The following SH3RF2 variants were observed in gnomAD, a reference collection of about 807,000 sequenced individuals.
SH3RF2 encodes E3 ubiquitin-protein ligase SH3RF2.
A neutral mutation model predicts 59.0 loss-of-function variants in SH3RF2; 43 were observed. That is an observed-to-expected ratio of 0.73 (90% CI 0.57 to 0.94). The LOEUF (loss-of-function observed/expected upper bound fraction) is 0.94. Among genes scored for constraint, SH3RF2 ranks in the 40% least tolerant of loss-of-function variants. SH3RF2 has a pLI of 0.00. For missense variants in SH3RF2, 930 were observed against 940.1 expected (o/e 0.99, Z 0.14); for synonymous variants, 391 against 391.5 (o/e 1.00, Z 0.01).
chr5:146,069,077 T>C (rs1763171573), intron 9 of SH3RF2, among the ~76,000 whole-genome samples: 1 of 152,168 alleles, frequency 6.6e-6, no homozygotes, highest in South Asian at 2.1e-4. Context: ...CATATGGAAT[T>C]TTTAGTGCAA....
chr5:145,943,376 T>C (rs576112566), intron 2 of SH3RF2, among the ~76,000 whole-genome samples: 90 of 152,172 alleles, frequency 5.9e-4, no homozygotes, highest in Non-Finnish European at 1.1e-3. Flanking sequence ...AATGAGGTGA[T>C]AGAACTGTTA....
chr5:145,952,404 G>GA lies in SH3RF2; in HGVS notation c.378+14107dup, dbSNP rs201045540. Reference sequence around the variant, plus strand: ...TAGTGCTACTTTTAACAGCACTATAGAAAAAAAAACAACTTTTGTTCCTCT... The same window carrying GA: ...TAGTGCTACTTTTAACAGCACTATAGAAAAAAAAAACAACTTTTGTTCCTCT... On this transcript the variant is annotated intron_variant, in intron 2 of 9. Transcript: ENST00000359120. 6.9e-3 allele frequency among the ~76,000 whole-genome samples: 1,030 copies of GA among 150,030 alleles called. 13 individuals carry two copies. Among genetic ancestry groups the GA allele is most frequent in the African/African-American group, 0.023 (945 of 40,908 alleles).
intron 2 of SH3RF2, among the ~76,000 whole-genome samples, chr5:145,988,104 G>A (rs1221177103): frequency 2.6e-5 from 4 of 152,190 alleles, no homozygotes; most frequent in Non-Finnish European, 1.5e-5. Context: ...AAAGCTTCCA[G>A]TTGTCCTCTC....
chr5:146,064,586 GGAGAGAGAGAGAGAGAGAGA>G (rs70998047), downstream of SH3RF2, among the ~76,000 whole-genome samples: 1 of 41,408 alleles, frequency 2.4e-5, no homozygotes, highest in Non-Finnish European at 4.1e-5. Flanking sequence ...GAAGGAAGGG[GGAGAGAGAGAGAGAGAGAGA>G]GAGAGAGAGG....
At chr5:145,982,880 G>A (rs1257209100) in intron 2 of SH3RF2, among the ~76,000 whole-genome samples, 1 of 152,058 alleles carries the variant, frequency 6.6e-6, no homozygotes, top group African/African-American at 2.4e-5. Context: ...AGAGGGAGAG[G>A]GTGGAGTGTA....
At chr5:146,075,778 TAAAAAAAAAAAAAAAA>T (rs56300547) in intron 9 of SH3RF2, among the ~76,000 whole-genome samples, 1 of 76,964 alleles carries the variant, frequency 1.3e-5, no homozygotes, top group Non-Finnish European at 2.6e-5. Flanking sequence ...AAATTCCATG[TAAAAAAAAAAAAAAAA>T]AAAAAAAAAA....
chr5:146,026,306 C>T (rs566883905), intron 5 of SH3RF2, among the ~76,000 whole-genome samples: 20 of 152,234 alleles, frequency 1.3e-4, no homozygotes, highest in African/African-American at 4.1e-4. Flanking sequence ...TGGCAGTAAC[C>T]TTTATTTGCA....
intron 2 of SH3RF2, among the ~76,000 whole-genome samples, chr5:145,949,646 T>C (rs1758120309): frequency 6.6e-6 from 1 of 152,046 alleles, no homozygotes; most frequent in Admixed American, 6.6e-5. Flanking sequence ...AGTAGATTGG[T>C]TTGATGCATA....
At chr5:146,079,383 G>A (rs1239165960) in exon 10 of SH3RF2, 20 of 152,128 alleles carry the variant, frequency 1.3e-4, no homozygotes, top group African/African-American at 4.8e-5. Flanking sequence ...CATATATACC[G>A]TGATGTTATT....
intron 4 of SH3RF2, among the ~76,000 whole-genome samples, chr5:146,012,462 G>T (rs1176006851): frequency 1.3e-5 from 2 of 152,104 alleles, no homozygotes; most frequent in African/African-American, 4.8e-5. Context: ...TTGTACCTCT[G>T]GTAGAATTCG....
chr5:145,953,148 A>AC (rs1758257941), intron 2 of SH3RF2, among the ~76,000 whole-genome samples: 1 of 151,910 alleles, frequency 6.6e-6, no homozygotes, highest in Non-Finnish European at 1.5e-5. Context: ...ACACACACAC[A>AC]AATAATAAAA....
downstream of SH3RF2, among the ~76,000 whole-genome samples, chr5:146,064,755 G>GA (rs1265516163): frequency 5.9e-3 from 37 of 6,236 alleles, 1 homozygote; most frequent in East Asian, 0.027. Context: ...AGGAAGGAAG[G>GA]AAGGAAGGAA....
intron 5 of SH3RF2, among the ~76,000 whole-genome samples, chr5:146,021,565 G>A (rs926811832): frequency 6.6e-6 from 1 of 152,150 alleles, no homozygotes. Flanking sequence ...CTGAGTGTCT[G>A]AAATGTGTTT....
chr5:146,063,026 A>G lies in SH3RF2; in HGVS notation c.*325A>G, dbSNP rs1040880765. The stretch of plus-strand genomic sequence containing the variant: ...TTGTCATCCCCGTGTTACTGTGTAG[A>G]ATTTCTATGGTGTCCTAAAGGGGGC... On this transcript the variant is annotated 3_prime_UTR_variant, in exon 10 of 10. Transcript: ENST00000359120. 1 of 326,842 alleles carries G rather than the reference A, an allele frequency of 3.1e-6. No homozygotes were observed. Among genetic ancestry groups the G allele is most frequent in the Non-Finnish European group, 5.6e-6 (1 of 177,186 alleles). The allele number at this position is 326,842 out of a possible 1,614,324, so 20.2% of individuals were successfully genotyped here.
intron 7 of SH3RF2, among the ~76,000 whole-genome samples, chr5:146,055,320 T>A (rs1245746770): frequency 6.6e-6 from 1 of 152,192 alleles, no homozygotes; most frequent in East Asian, 1.9e-4. Context: ...AGTCTTTGTG[T>A]TTTTTTATTT....
At chr5:146,056,361 T>G (rs1762672308) in intron 8 of SH3RF2, 148 bp downstream of exon 8, 9 of 1,294,680 alleles carry the variant, frequency 7.0e-6, no homozygotes, top group Non-Finnish European at 9.4e-6. Flanking sequence ...AAATGATGAG[T>G]TTTATTGAAT....
At chr5:145,951,710 A>C (rs1275446605) in intron 2 of SH3RF2, among the ~76,000 whole-genome samples, 2 of 152,186 alleles carry the variant, frequency 1.3e-5, no homozygotes, top group African/African-American at 4.8e-5. Flanking sequence ...CATGAAACAC[A>C]TCTGCCCACT....
chr5:146,015,555 CATAGATAT>C (rs760490451), intron 5 of SH3RF2, among the ~76,000 whole-genome samples: 1 of 152,258 alleles, frequency 6.6e-6, no homozygotes, highest in African/African-American at 2.4e-5. Context: ...TATATATAGT[CATAGATAT>C]ATAAAGTGCA....
Position 145,982,106 on chromosome 5 carries a change from A to G in SH3RF2, c.379-17952A>G, listed in dbSNP as rs1428670733. On this transcript the variant is annotated intron_variant, in intron 2 of 9. Coordinates refer to ENST00000359120, the MANE Select transcript of SH3RF2 (RefSeq NM_152550.4). ...AAGTATTTGCATGAGTGCCTCAGGTATGTATGACATTCTGTGGTGACAAAA... is the reference window on the plus strand; with the variant it reads ...AAGTATTTGCATGAGTGCCTCAGGTGTGTATGACATTCTGTGGTGACAAAA... Among the ~76,000 whole-genome samples the G allele has an allele frequency of 2.6e-5, 4 of 152,320 alleles. No homozygotes were observed. The South Asian group carries it at 8.3e-4, about 32-fold the overall frequency.
Sources: allele counts gnomAD v4.1 joint callset (sites outside exome capture counted in the v4.1 genomes callset), GRCh38; gene constraint gnomAD v4.1.1; transcripts MANE v1.5; gene names NCBI Gene and HGNC (gene_info 2026-07-23, HGNC 2026-07-21).